DPP6: variants seen among roughly 807,000 people sequenced by gnomAD.
The protein encoded by DPP6 is A-type potassium channel modulatory protein DPP6.
A neutral mutation model predicts 122.6 loss-of-function variants in DPP6; 69 were observed. That is an observed-to-expected ratio of 0.56 (90% CI 0.46 to 0.69). The LOEUF is 0.69. Ranked by LOEUF, DPP6 falls within the 30% of genes least tolerant of loss-of-function variation. DPP6 has a pLI of 0.00. For missense variants in DPP6, 928 were observed against 1,116.9 expected (o/e 0.83, Z 2.41); for synonymous variants, 418 against 433.1 (o/e 0.97, Z 0.43).
intron 24 of DPP6, 36 bp downstream of exon 24, chr7:154,889,380 G>T: frequency 6.2e-7 from 1 of 1,609,080 alleles, no homozygotes; most frequent in African/African-American, 1.3e-5. Context: ...TGTGTATCTA[G>T]TAAGAGCCTC....
At chr7:154,569,111 A>G (rs1251142401) in intron 5 of DPP6, among the ~76,000 whole-genome samples, 1 of 152,018 alleles carries the variant, frequency 6.6e-6, no homozygotes, top group Non-Finnish European at 1.5e-5. Context: ...TAAAAGGATT[A>G]CATATGGGAT....
chr7:154,072,176 G>A (rs1803165505), intron 1 of DPP6, among the ~76,000 whole-genome samples: 1 of 152,250 alleles, frequency 6.6e-6, no homozygotes, highest in South Asian at 2.1e-4. Flanking sequence ...TTACATAAGG[G>A]AAAACTGGCA....
Position 153,938,422 on chromosome 7 carries a change from G to A in DPP6, c.51+50688G>A, listed in dbSNP as rs537713713. Among the ~76,000 whole-genome samples the A allele has an allele frequency of 5.9e-5, 9 of 152,290 alleles. 1 individual carries two copies. The South Asian group carries it at 8.3e-4, about 14-fold the overall frequency. ...TTAGGAAAAATGAGTTTCCAGGGTA[G>A]AGACCAAACCTCTAAGTCTTAAAGA... On this transcript the variant is annotated intron_variant, in intron 1 of 25. Coordinates refer to the DPP6 transcript ENST00000404039.
chr7:153,914,060 C>T (rs1385707690), intron 1 of DPP6, among the ~76,000 whole-genome samples: 1 of 152,134 alleles, frequency 6.6e-6, no homozygotes, highest in Non-Finnish European at 1.5e-5. Context: ...TGAATTGTAG[C>T]TCCCATAATT....
intron 3 of DPP6, among the ~76,000 whole-genome samples, chr7:154,503,103 G>T (rs1351803637): frequency 6.6e-6 from 1 of 152,164 alleles, no homozygotes; most frequent in Non-Finnish European, 1.5e-5. Flanking sequence ...TTCTGCTCTA[G>T]AAGGGAAAAT....
the DPP6 span, among the ~76,000 whole-genome samples, chr7:153,850,854 T>C: frequency 3.3e-5 from 5 of 152,168 alleles, no homozygotes; most frequent in South Asian, 6.2e-4. Context: ...ATGGGGCTTA[T>C]TAGAATTCAA....
intron 1 of DPP6, among the ~76,000 whole-genome samples, chr7:153,904,908 G>A (rs751798015): frequency 1.3e-5 from 2 of 152,198 alleles, no homozygotes; most frequent in African/African-American, 2.4e-5. Context: ...AGGAGCTTTC[G>A]GAATGAAGAC....
At chr7:153,864,501 C>G in the DPP6 span, among the ~76,000 whole-genome samples, 1 of 151,646 alleles carries the variant, frequency 6.6e-6, no homozygotes, top group Non-Finnish European at 1.5e-5. Flanking sequence ...CTAAAAATAC[C>G]AAAAATTAGC....
chr7:154,402,097 A>T (rs1004787946), intron 1 of DPP6, among the ~76,000 whole-genome samples: 6 of 151,480 alleles, frequency 4.0e-5, no homozygotes, highest in Admixed American at 6.6e-5. Context: ...GTCAGGAAAC[A>T]ACAGGTGCTG....
upstream of DPP6, among the ~76,000 whole-genome samples, chr7:153,884,129 T>C (rs1432526923): frequency 6.6e-6 from 1 of 152,172 alleles, no homozygotes; most frequent in Non-Finnish European, 1.5e-5. Context: ...TCATTTACAT[T>C]AGGTATATCT....
chr7:154,326,916 T>C lies in DPP6; in HGVS notation c.244-119298T>C, dbSNP rs571749463. ...AATAGGAAAGGGAGGTGATTGGTCT[T>C]GTTAGCCTGGAAATAGTATTCACTG... On this transcript the variant is annotated intron_variant, in intron 1 of 25. Transcript: ENST00000377770. Among the ~76,000 whole-genome samples, 6 of 152,312 alleles carry C rather than the reference T, an allele frequency of 3.9e-5. No homozygotes were observed. The East Asian group carries it at 9.7e-4, about 25-fold the overall frequency.
At chr7:153,820,553 G>A in the DPP6 span, among the ~76,000 whole-genome samples, 1 of 152,108 alleles carries the variant, frequency 6.6e-6, no homozygotes, top group African/African-American at 2.4e-5. Flanking sequence ...GAACCAGAGA[G>A]TTCTCAGAAG....
At chr7:154,132,281 T>G (rs1247117600) in intron 1 of DPP6, among the ~76,000 whole-genome samples, 2 of 152,200 alleles carry the variant, frequency 1.3e-5, no homozygotes, top group East Asian at 3.9e-4. Flanking sequence ...TCGCTAAATA[T>G]ATACAAATCA....
chr7:154,460,234 G>A (rs1821177638), intron 2 of DPP6, among the ~76,000 whole-genome samples: 1 of 152,034 alleles, frequency 6.6e-6, no homozygotes. Flanking sequence ...CACCCGCCTT[G>A]GCCTCCCAAA....
intron 1 of DPP6, among the ~76,000 whole-genome samples, chr7:154,065,729 C>A (rs1299843900): frequency 1.3e-5 from 2 of 152,124 alleles, no homozygotes; most frequent in African/African-American, 2.4e-5. Flanking sequence ...CTTGGAGAAG[C>A]CTGAGTCCTG....
At chr7:154,467,852 G>C (rs6946974) in intron 2 of DPP6, among the ~76,000 whole-genome samples, 18,770 of 152,120 alleles carry the variant, frequency 0.12, 3,886 homozygotes, top group African/African-American at 0.43. Context: ...GCTGAGAGAG[G>C]TTTGGGGTCT....
At chr7:154,359,672 G>A (rs564475000) in intron 1 of DPP6, among the ~76,000 whole-genome samples, 1 of 152,058 alleles carries the variant, frequency 6.6e-6, no homozygotes, top group East Asian at 1.9e-4. Flanking sequence ...GCCCTCAAAA[G>A]TATTTATGGA....
chr7:154,427,445 T>G (rs1351373871), intron 1 of DPP6, among the ~76,000 whole-genome samples: 1 of 152,258 alleles, frequency 6.6e-6, no homozygotes, highest in African/African-American at 2.4e-5. Context: ...AATAATACTT[T>G]ACTCAAAAGT....
At chr7:154,622,373 A>G (rs1348798045) in intron 5 of DPP6, among the ~76,000 whole-genome samples, 1 of 152,138 alleles carries the variant, frequency 6.6e-6, no homozygotes, top group Non-Finnish European at 1.5e-5. Flanking sequence ...TGGAGGCCCA[A>G]TTGACCCTGC....
Sources: allele counts gnomAD v4.1 joint callset (sites outside exome capture counted in the v4.1 genomes callset), GRCh38; gene constraint gnomAD v4.1.1; transcripts MANE v1.5; gene names NCBI Gene and HGNC (gene_info 2026-07-23, HGNC 2026-07-21).